Variants in OTOG observed in about 807,000 individuals in gnomAD.
OTOG encodes otogelin.
Under a neutral mutation model 313.8 loss-of-function variants are expected in OTOG, and 296 were observed. That is an observed-to-expected ratio of 0.94 (90% confidence interval 0.86 to 1.04). The LOEUF (loss-of-function observed/expected upper bound fraction) is 1.04. OTOG is among the 50% of genes least tolerant of loss of function. OTOG has a pLI of 0.00. For missense variants in OTOG, 3,948 were observed against 3,840.1 expected (o/e 1.03, Z -0.74); for synonymous variants, 1,533 against 1,554.9 (o/e 0.99, Z 0.33).
At chr11:17,608,854 G>A (rs1021820500) in intron 34 of OTOG, among the ~76,000 whole-genome samples, 3 of 152,206 alleles carry the variant, frequency 2.0e-5, no homozygotes, top group Non-Finnish European at 4.4e-5. Context: ...ATGTACATGA[G>A]TGTGTGCAGA....
At chr11:17,632,004 T>C in intron 41 of OTOG, 82 bp downstream of exon 41, 1 of 1,541,398 alleles carries the variant, frequency 6.5e-7, no homozygotes, top group Non-Finnish European at 8.8e-7. Context: ...AGGCTCATTG[T>C]TCCTTTTGGG....
chr11:17,588,064 G>A (rs1209529592), intron 24 of OTOG, among the ~76,000 whole-genome samples: 1 of 152,174 alleles, frequency 6.6e-6, no homozygotes, highest in Non-Finnish European at 1.5e-5. Context: ...AGCCAAGGCC[G>A]AAGAGCTGGG....
Position 17,602,196 on chromosome 11 carries a change from C to A in OTOG, c.3710-14C>A, listed in dbSNP as rs1204480050. The A allele has an allele frequency of 1.3e-6, 2 of 1,549,178 alleles. No homozygotes were observed. Among genetic ancestry groups the A allele is most frequent in the Non-Finnish European group, 1.7e-6 (2 of 1,146,750 alleles). On this transcript the variant is annotated splice_polypyrimidine_tract_variant and intron_variant, in intron 31 of 55. Transcript: ENST00000399397. ...CCATGGGGCCAGGTTGCTGATGGGG[C>A]CTCTTCTCTCCAGTGCTAGGTAAGG...
At chr11:17,618,458 T>C (rs1168607088) in intron 39 of OTOG, among the ~76,000 whole-genome samples, 1 of 152,244 alleles carries the variant, frequency 6.6e-6, no homozygotes, top group African/African-American at 2.4e-5. Flanking sequence ...TTTGTCTAAC[T>C]TGAATTCTTT....
At chr11:17,609,431 A>G (rs1256390055) in intron 35 of OTOG, among the ~76,000 whole-genome samples, 11 of 152,002 alleles carry the variant, frequency 7.2e-5, no homozygotes, top group Admixed American at 7.2e-4. Context: ...TCACATGGTG[A>G]GAAGGTGGTG....
Position 17,641,929 on chromosome 11 carries a change from A to T in OTOG, c.8273A>T (p.Asn2758Ile), listed in dbSNP as rs902011391. Reference sequence around the variant, plus strand: ...GTGTCCTGTCTCTTCACCTTCCCCAATGGCACCACCTCCCTGTTCTTGGTA... The same window carrying T: ...GTGTCCTGTCTCTTCACCTTCCCCATTGGCACCACCTCCCTGTTCTTGGTA... ...RNVSCLFTFP[N>I]GTTSLFLPGA... Residue 2758 changes from asparagine to isoleucine, a missense_variant, in exon 52 of 56, where the codon AAT becomes ATT. Transcript: ENST00000399397. The T allele has an allele frequency of 2.6e-6, 4 of 1,550,162 alleles. No homozygotes were observed. Among genetic ancestry groups the T allele is most frequent in the Non-Finnish European group, 3.5e-6 (4 of 1,146,772 alleles).
chr11:17,572,084 C>T lies in OTOG; in HGVS notation c.1960C>T (p.Pro654Ser), dbSNP rs761652227. The T allele has an allele frequency of 3.9e-6, 6 of 1,550,376 alleles. No homozygotes were observed. The highest frequency in any genetic ancestry group is 5.2e-6 in the Non-Finnish European group (6 of 1,146,918). ...ATGGCTGTGACATGGCTGCAGGTCT[C>T]CAGTGGGTGTACCTGAGAGCACCCC... The part of the protein sequence containing the change: ...NGNTQDDFLS[P>S]VGVPESTPQL... The change falls in exon 18 of 56, where the codon CCA becomes TCA. Residue 654 changes from proline to serine, a missense_variant. Physicochemically the swap from Pro to Ser is moderately conservative, Grantham distance 74 (BLOSUM62 -1). Coordinates refer to ENST00000399397, the MANE Select transcript of OTOG (RefSeq NM_001292063.2).
intron 32 of OTOG, among the ~76,000 whole-genome samples, chr11:17,605,195 G>C (rs1853352425): frequency 6.6e-6 from 1 of 152,220 alleles, no homozygotes; most frequent in African/African-American, 2.4e-5. Flanking sequence ...CCTGGGCAGG[G>C]GAAACTGCCC....
chr11:17,618,181 G>A (rs1489368259), intron 39 of OTOG, among the ~76,000 whole-genome samples: 4 of 152,140 alleles, frequency 2.6e-5, no homozygotes, highest in Admixed American at 1.3e-4. Flanking sequence ...GATTACAGGC[G>A]TGAGCCACCA....
Position 17,593,668 on chromosome 11 carries a change from TCA to T in OTOG, c.3204_3205del (p.Leu1069GlyfsTer38). 1 of 1,549,126 alleles carries T rather than the reference TCA, an allele frequency of 6.5e-7. No individual in the cohort carries two copies. Among genetic ancestry groups the T allele is most frequent in the Non-Finnish European group, 8.7e-7 (1 of 1,146,976 alleles). ...GTCCACACATGGCGAGTGGGATTTT[TCA>T]CACTGGTGCATTTCCCACAGGAGCA... On this transcript the variant is annotated frameshift_variant, in exon 27 of 56. Coordinates refer to ENST00000399397, the MANE Select transcript of OTOG (RefSeq NM_001292063.2). LOFTEE classifies it high-confidence loss of function.
At chr11:17,574,217 T>G (rs1341751386) in intron 19 of OTOG, among the ~76,000 whole-genome samples, 1 of 152,088 alleles carries the variant, frequency 6.6e-6, no homozygotes, top group Non-Finnish European at 1.5e-5. Context: ...AGGGCAGTCT[T>G]GAGTCTTGGG....
intron 20 of OTOG, among the ~76,000 whole-genome samples, chr11:17,576,161 C>T (rs1047179707): frequency 1.3e-5 from 2 of 152,216 alleles, no homozygotes; most frequent in African/African-American, 4.8e-5. Context: ...AGATGCTGGG[C>T]GTGAGTGACC....
At chr11:17,602,622 G>T (rs1441566929) in intron 32 of OTOG, among the ~76,000 whole-genome samples, 1 of 152,202 alleles carries the variant, frequency 6.6e-6, no homozygotes, top group Non-Finnish European at 1.5e-5. Flanking sequence ...CTTGCTGTAT[G>T]CAATAGCTGT....
chr11:17,577,384 T>G (rs61193573), intron 22 of OTOG, among the ~76,000 whole-genome samples: 6,027 of 78,090 alleles, frequency 0.077, 401 homozygotes, highest in African/African-American at 0.18. Flanking sequence ...GGTCGTGGGA[T>G]GGGGGTCAAC....
At chr11:17,577,130 C>A (rs1341880796) in intron 22 of OTOG, among the ~76,000 whole-genome samples, 1 of 152,244 alleles carries the variant, frequency 6.6e-6, no homozygotes, top group Non-Finnish European at 1.5e-5. Flanking sequence ...GTCTCTGCTG[C>A]CTGCAGAGGA....
chr11:17,635,525 A>G (rs1027225201), intron 46 of OTOG, 85 bp from the exon 47 acceptor site: 1 of 1,051,958 alleles, frequency 9.5e-7, no homozygotes, highest in African/African-American at 1.6e-5. Flanking sequence ...TGGGTTGTTG[A>G]GGAGGCCCCA....
At position 17,645,581 on chromosome 11, in the gene OTOG, T is replaced by C. The variant is rs1363009742; in HGVS notation, c.8479T>C (p.Ser2827Pro). 1.9e-6 allele frequency: 3 copies of C among 1,550,570 alleles called. No homozygotes were observed. Among genetic ancestry groups the C allele is most frequent in the South Asian group, 2.4e-5 (2 of 84,056 alleles). ...CCRTCKEDGR[S>P]CKKVTIRMTI... ...CCCCCCAGGTAAGGAGGATGGGCGC[T>C]CCTGCAAGAAGGTGACCATCCGCAT... Residue 2827 changes from serine (S) to proline (P), a missense_variant, in exon 55 of 56, where the codon TCC becomes CCC. Coordinates refer to ENST00000399397, the MANE Select transcript of OTOG (RefSeq NM_001292063.2).
rs952770767 is a variant in OTOG at position 17,551,969 on chromosome 11, C to T, written c.217-31C>T. 10 of 1,545,622 alleles carry T rather than the reference C, an allele frequency of 6.5e-6. No homozygotes were observed. The Admixed American group carries it at 7.8e-5, about 12-fold the overall frequency. Reference sequence around the variant, plus strand: ...GGGAACCCGTCCTGAGGTCAGCCCTCGATGTGTTCTCTTCCTCCTGTCTTC... The same window carrying T: ...GGGAACCCGTCCTGAGGTCAGCCCTTGATGTGTTCTCTTCCTCCTGTCTTC... On this transcript the variant is annotated intron_variant, in intron 3 of 55. Coordinates refer to ENST00000399397, the MANE Select transcript of OTOG (RefSeq NM_001292063.2).
intron 19 of OTOG, among the ~76,000 whole-genome samples, chr11:17,574,149 T>C (rs1042346043): frequency 2.0e-5 from 3 of 152,180 alleles, no homozygotes; most frequent in Admixed American, 1.3e-4. Context: ...GTGGATCTAC[T>C]GGATCCCACA....
Sources: allele counts gnomAD v4.1 joint callset (sites outside exome capture counted in the v4.1 genomes callset), GRCh38; gene constraint gnomAD v4.1.1; transcripts MANE v1.5; gene names NCBI Gene and HGNC (gene_info 2026-07-23, HGNC 2026-07-21).